The following SGCZ variants were observed in gnomAD, a reference collection of about 807,000 sequenced individuals.
SGCZ encodes the protein sarcoglycan zeta, also known as zeta-sarcoglycan.
SGCZ carries 40 observed loss-of-function variants against 41.3 expected under a neutral mutation model. The observed-to-expected ratio is 0.97, with a 90% CI of 0.75 to 1.26. The LOEUF (loss-of-function observed/expected upper bound fraction) is 1.26, where lower values mean the gene tolerates loss of function less well. Ranked by LOEUF, SGCZ falls within the 50% of genes most tolerant of loss-of-function variation. SGCZ has a pLI of 0.00. For missense variants in SGCZ, 552 were observed against 369.8 expected, an observed-to-expected ratio of 1.49 and a Z score of -4.04; for synonymous variants, 206 against 137.5, an observed-to-expected ratio of 1.50 and a Z score of -3.49.
intron 1 of SGCZ, among the ~76,000 whole-genome samples, chr8:14,898,019 T>C (rs992976376): frequency 1.3e-5 from 2 of 152,178 alleles, no homozygotes; most frequent in Non-Finnish European, 2.9e-5. Flanking sequence ...ATAGTTGATT[T>C]ACAATTCACG....
chr8:14,250,453 CT>C lies in SGCZ; in HGVS notation c.337-12775del, dbSNP rs758085639. Among the ~76,000 whole-genome samples the C allele has an allele frequency of 9.9e-5, 15 of 152,082 alleles. No homozygotes were observed. In the East Asian group the frequency reaches 1.7e-3, roughly 18 times the overall value. On this transcript the variant is annotated intron_variant, in intron 3 of 7. Transcript: ENST00000382080. Reference sequence around the variant, plus strand: ...TTTTTATACACAGGCATAACCATACCTCCATGTTATAATCAGCAGAATGTGG... The same window carrying C: ...TTTTTATACACAGGCATAACCATACCCCATGTTATAATCAGCAGAATGTGG...
At chr8:14,557,658 C>T (rs377664038) in intron 1 of SGCZ, among the ~76,000 whole-genome samples, 1 of 151,914 alleles carries the variant, frequency 6.6e-6, no homozygotes, top group South Asian at 2.1e-4. Flanking sequence ...GCCAATTACC[C>T]CCACACCATT....
chr8:15,231,371 T>C (rs1223495683), intron 1 of SGCZ, among the ~76,000 whole-genome samples: 1 of 152,122 alleles, frequency 6.6e-6, no homozygotes, highest in East Asian at 1.9e-4. Context: ...CGTACAAACA[T>C]GTTGTTTAGG....
At chr8:14,908,120 G>A (rs1411476505) in intron 1 of SGCZ, among the ~76,000 whole-genome samples, 2 of 152,234 alleles carry the variant, frequency 1.3e-5, no homozygotes, top group African/African-American at 4.8e-5. Flanking sequence ...GGCAAAAAAG[G>A]TAGTTAATAG....
chr8:14,840,781 A>T (rs963647516), intron 1 of SGCZ, among the ~76,000 whole-genome samples: 20 of 152,112 alleles, frequency 1.3e-4, no homozygotes, highest in African/African-American at 4.8e-4. Context: ...ATTAGACAGC[A>T]TCTACTCTTT....
At chr8:14,979,529 T>G (rs893727707) in intron 1 of SGCZ, among the ~76,000 whole-genome samples, 2 of 152,220 alleles carry the variant, frequency 1.3e-5, no homozygotes, top group Non-Finnish European at 2.9e-5. Flanking sequence ...GTGTTGCTTT[T>G]TAATGTAAAC....
At position 14,304,872 on chromosome 8, in the gene SGCZ, T is replaced by G. The variant is rs767944930; in HGVS notation, c.336+19231A>C. On this transcript the variant is annotated intron_variant, in intron 3 of 7. Coordinates refer to ENST00000382080, the MANE Select transcript of SGCZ (RefSeq NM_139167.4). ...TAATTATGGATATAATTTGGTTACA[T>G]TACAGCAGTAAGACATTGCCTAAAG... Among the ~76,000 whole-genome samples, 3 of 152,130 alleles carry G rather than the reference T, an allele frequency of 2.0e-5. No homozygotes were observed. The East Asian group carries it at 5.8e-4, about 29-fold the overall frequency.
intron 5 of SGCZ, among the ~76,000 whole-genome samples, chr8:14,155,680 C>T (rs541065174): frequency 1.2e-4 from 18 of 150,448 alleles, no homozygotes; most frequent in Admixed American, 2.7e-4. Context: ...TTCAATCAAA[C>T]GTATTGTCAT....
intron 1 of SGCZ, among the ~76,000 whole-genome samples, chr8:15,111,611 C>T (rs570577670): frequency 4.1e-4 from 62 of 152,244 alleles, no homozygotes; most frequent in African/African-American, 1.3e-3. Flanking sequence ...AAATAAATCC[C>T]TACATTTCGG....
At chr8:14,403,200 G>C (rs1799125308) in intron 2 of SGCZ, among the ~76,000 whole-genome samples, 1 of 150,164 alleles carries the variant, frequency 6.7e-6, no homozygotes, top group East Asian at 1.9e-4. Context: ...CTGAGACGAT[G>C]GGGTTTTCTA....
chr8:14,399,070 G>T (rs973055535), intron 2 of SGCZ, among the ~76,000 whole-genome samples: 3 of 152,026 alleles, frequency 2.0e-5, no homozygotes, highest in African/African-American at 7.2e-5. Context: ...GTTAAGTTCA[G>T]AAACCAAACG....
At chr8:14,223,625 A>C (rs1806278238) in intron 4 of SGCZ, among the ~76,000 whole-genome samples, 1 of 152,178 alleles carries the variant, frequency 6.6e-6, no homozygotes, top group Admixed American at 6.6e-5. Flanking sequence ...GTTATTTGTT[A>C]AAGGGACAGA....
chr8:15,065,434 A>ATTC (rs1184905733), intron 1 of SGCZ, among the ~76,000 whole-genome samples: 1 of 146,838 alleles, frequency 6.8e-6, no homozygotes, highest in Non-Finnish European at 1.5e-5. Flanking sequence ...TATTATTATT[A>ATTC]TTATTATTAT....
chr8:14,269,865 T>C (rs947016664), intron 3 of SGCZ, among the ~76,000 whole-genome samples: 3 of 152,166 alleles, frequency 2.0e-5, no homozygotes, highest in Non-Finnish European at 2.9e-5. Context: ...AGAAAGAATG[T>C]GTGCTGTCAT....
rs1208927826 is a variant in SGCZ at position 14,089,036 on chromosome 8, C to T, written c.*1407G>A. Among the ~76,000 whole-genome samples the T allele has an allele frequency of 6.6e-6, 1 of 151,852 alleles. No individual in the cohort carries two copies. Among genetic ancestry groups the T allele is most frequent in the Admixed American group, 6.6e-5 (1 of 15,204 alleles). ...AGTCATCTTCCCATAATAGGAAATA[C>T]TTAATACAGTTTTACATTCTTTGAC... On this transcript the variant is annotated 3_prime_UTR_variant, in exon 8 of 8. Transcript: ENST00000382080.
chr8:14,711,485 C>T (rs977573855), intron 1 of SGCZ, among the ~76,000 whole-genome samples: 1 of 150,366 alleles, frequency 6.7e-6, no homozygotes. Flanking sequence ...GCCTGTAGTC[C>T]CAGCTACTGA....
intron 2 of SGCZ, among the ~76,000 whole-genome samples, chr8:14,489,235 A>C (rs997716748): frequency 7.2e-5 from 11 of 152,082 alleles, no homozygotes; most frequent in Non-Finnish European, 1.6e-4. Context: ...GAACGGGAAC[A>C]ACGATTTGTA....
chr8:15,190,028 C>CT (rs1305326148), intron 1 of SGCZ, among the ~76,000 whole-genome samples: 1 of 152,128 alleles, frequency 6.6e-6, no homozygotes, highest in African/African-American at 2.4e-5. Flanking sequence ...TTGTCACTCT[C>CT]CACCAAACCT....
At chr8:15,004,758 G>A (rs1209633045) in intron 1 of SGCZ, among the ~76,000 whole-genome samples, 5 of 152,138 alleles carry the variant, frequency 3.3e-5, no homozygotes, top group Non-Finnish European at 7.3e-5. Flanking sequence ...GTATTATAAG[G>A]AAGGAATAAG....
Sources: gnomAD v4.1 joint callset for allele counts (sites outside exome capture counted in the v4.1 genomes callset) on GRCh38, gnomAD v4.1.1 for gene constraint, MANE v1.5 for transcripts, NCBI Gene and HGNC (gene_info 2026-07-23, HGNC 2026-07-21) for gene names.